The following CBLB variants were observed in gnomAD, a reference collection of about 807,000 sequenced individuals.
CBLB encodes the protein E3 ubiquitin-protein ligase CBL-B.
CBLB carries 31 observed loss-of-function variants against 104.9 expected under a neutral mutation model. The ratio of observed to expected loss-of-function variants is 0.30; its 90% CI spans 0.22 to 0.40. CBLB has a LOEUF of 0.40. CBLB is among the 10% of genes least tolerant of loss of function. CBLB has a pLI of 1.00. For missense variants in CBLB, 1,062 were observed against 1,214.6 expected, an observed-to-expected ratio of 0.87 and a Z score of 1.87; for synonymous variants, 440 against 422.6, an observed-to-expected ratio of 1.04 and a Z score of -0.51.
intron 3 of CBLB, among the ~76,000 whole-genome samples, chr3:105,836,062 T>G (rs1320124408): frequency 6.6e-6 from 1 of 152,236 alleles, no homozygotes; most frequent in Admixed American, 6.5e-5. Flanking sequence ...ACTGCTTGCC[T>G]TTTGTGCCTC....
At chr3:105,855,756 CT>C (rs1450548334) in intron 2 of CBLB, among the ~76,000 whole-genome samples, 2 of 152,140 alleles carry the variant, frequency 1.3e-5, no homozygotes, top group Admixed American at 1.3e-4. Flanking sequence ...TCTCTAATCA[CT>C]TGTAGATATA....
chr3:105,784,086 C>T (rs1007702026), intron 3 of CBLB, among the ~76,000 whole-genome samples: 9 of 152,112 alleles, frequency 5.9e-5, no homozygotes, highest in Admixed American at 2.0e-4. Flanking sequence ...AATATGACCA[C>T]TCATACTTTC....
At chr3:105,854,759 A>C (rs1246795698) in intron 2 of CBLB, among the ~76,000 whole-genome samples, 1 of 151,906 alleles carries the variant, frequency 6.6e-6, no homozygotes, top group Non-Finnish European at 1.5e-5. Flanking sequence ...CAGCCTCCCA[A>C]GTAGCTGGGA....
chr3:105,857,702 G>A (rs923758235), intron 2 of CBLB, among the ~76,000 whole-genome samples: 4 of 152,112 alleles, frequency 2.6e-5, no homozygotes, highest in Non-Finnish European at 2.9e-5. Flanking sequence ...GCAAATTTAC[G>A]TAAACTTCAG....
intron 10 of CBLB, among the ~76,000 whole-genome samples, chr3:105,718,707 C>T (rs1246146896): frequency 1.3e-5 from 2 of 152,118 alleles, no homozygotes; most frequent in African/African-American, 4.8e-5. Context: ...CTCTGTTGGC[C>T]AAGTCTGAAC....
chr3:105,805,934 GAAAA>G (rs3841101), intron 3 of CBLB, among the ~76,000 whole-genome samples: 12,406 of 145,462 alleles, frequency 0.085, 602 homozygotes, highest in Admixed American at 0.12. Context: ...AAAAGGGAAA[GAAAA>G]AAAAAAAAAA....
chr3:105,781,709 A>G (rs2080277292), intron 3 of CBLB, among the ~76,000 whole-genome samples: 1 of 152,222 alleles, frequency 6.6e-6, no homozygotes, highest in Non-Finnish European at 1.5e-5. Context: ...GGAGGAAATA[A>G]AAAGCTTTAA....
At chr3:105,833,386 C>T (rs1220098705) in intron 3 of CBLB, among the ~76,000 whole-genome samples, 11 of 152,168 alleles carry the variant, frequency 7.2e-5, no homozygotes, top group Admixed American at 1.3e-4. Context: ...ATATCTCTCT[C>T]TGAGACAGAC....
chr3:105,860,923 A>T (rs2092029537), intron 2 of CBLB, among the ~76,000 whole-genome samples: 1 of 152,212 alleles, frequency 6.6e-6, no homozygotes, highest in African/African-American at 2.4e-5. Context: ...AGAGGCTCTC[A>T]GGAAAAGACG....
At chr3:105,726,166 G>A (rs1576640079) in intron 9 of CBLB, among the ~76,000 whole-genome samples, 1 of 152,072 alleles carries the variant, frequency 6.6e-6, no homozygotes, top group Admixed American at 6.6e-5. Context: ...ATTTCTTATT[G>A]CCTTAAAAGT....
At chr3:105,778,580 T>C (rs573796712) in intron 3 of CBLB, among the ~76,000 whole-genome samples, 53 of 152,298 alleles carry the variant, frequency 3.5e-4, no homozygotes, top group Admixed American at 1.2e-3. Context: ...CAGTCACCTA[T>C]TTCCATAACT....
chr3:105,740,534 G>A lies in CBLB; in HGVS notation c.943C>T (p.Pro315Ser). The A allele has an allele frequency of 6.2e-7, 1 of 1,613,920 alleles. No homozygotes were observed. Among genetic ancestry groups the A allele is most frequent in the East Asian group, 2.2e-5 (1 of 44,866 alleles). ...CCATCAATCAGGGCTTGAAATAAGGGCTTGTTATGAGGTATGGTCTGTAAG... is the reference window on the plus strand; with the variant it reads ...CCATCAATCAGGGCTTGAAATAAGGACTTGTTATGAGGTATGGTCTGTAAG... The part of the protein sequence containing the change: ...NILQTIPHNK[P>S]LFQALIDGSR... The change falls in exon 7 of 19, where the codon CCC (proline) becomes TCC (serine). Residue 315 changes from proline (P) to serine (S), a missense_variant. Around this residue, in one of 2 missense-constraint regions of CBLB, gnomAD observed 457 missense variants for 632.0 expected, o/e 0.72. Coordinates refer to ENST00000394030, the MANE Select transcript of CBLB (RefSeq NM_170662.5).
chr3:105,686,166 A>T (rs368950773), intron 13 of CBLB, among the ~76,000 whole-genome samples: 55 of 152,334 alleles, frequency 3.6e-4, no homozygotes, highest in African/African-American at 1.3e-3. Flanking sequence ...AATATCAAAA[A>T]CATTAAGCAT....
At chr3:105,828,940 T>A (rs1221060896) in intron 3 of CBLB, among the ~76,000 whole-genome samples, 1 of 151,980 alleles carries the variant, frequency 6.6e-6, no homozygotes, top group Non-Finnish European at 1.5e-5. Context: ...TTAACCACAG[T>A]GGAACAGAAG....
In CBLB at chr3:105,822,831, T is replaced by C. The variant is rs184594495; in HGVS notation, c.419+30583A>G. Among the ~76,000 whole-genome samples the C allele has an allele frequency of 2.0e-3, 302 of 152,332 alleles. 2 individuals carry two copies. Among genetic ancestry groups the C allele is most frequent in the African/African-American group, 7.0e-3 (293 of 41,580 alleles). On this transcript the variant is annotated intron_variant, in intron 3 of 18. Coordinates refer to ENST00000394030, the MANE Select transcript of CBLB (RefSeq NM_170662.5). ...ATGGCCTTCAGGTACATCAGCATTT[T>C]CTGCTCTCTGTAACTTCACTGCTCC...
intron 3 of CBLB, among the ~76,000 whole-genome samples, chr3:105,844,136 G>A (rs1029790986): frequency 2.0e-5 from 3 of 152,238 alleles, no homozygotes; most frequent in African/African-American, 4.8e-5. Flanking sequence ...ACAGACTTAC[G>A]CTGCCATAAG....
rs34801525 is a variant in CBLB at position 105,685,454 on chromosome 3, C to A, written c.2067G>T (p.Pro689=). The A allele has an allele frequency of 6.2e-7, 1 of 1,612,990 alleles. No individual in the cohort carries two copies. The highest frequency in any genetic ancestry group is 2.2e-5 in the East Asian group (1 of 44,776). The change falls in exon 14 of 19, where the codon CCG becomes CCT. Residue 689 remains proline (P), a synonymous_variant. Coordinates refer to ENST00000394030, the MANE Select transcript of CBLB (RefSeq NM_170662.5). ...TLLPSIKCTG[P]LANSLSEKTR... is the part of the protein sequence containing the mutation. ...TTTTCTCTGAAAGAGAATTTGCTAACGGACCAGTACACCTACCAGGGGAAA... is the reference window on the plus strand; with the variant it reads ...TTTTCTCTGAAAGAGAATTTGCTAAAGGACCAGTACACCTACCAGGGGAAA...
chr3:105,847,550 T>C (rs983678317), intron 3 of CBLB, among the ~76,000 whole-genome samples: 4 of 152,006 alleles, frequency 2.6e-5, no homozygotes, highest in Non-Finnish European at 5.9e-5. Flanking sequence ...GCCAGAGCTT[T>C]TGTTAATCTT....
chr3:105,710,210 C>A (rs550610308), intron 10 of CBLB, among the ~76,000 whole-genome samples: 3 of 151,754 alleles, frequency 2.0e-5, no homozygotes, highest in Non-Finnish European at 4.4e-5. Flanking sequence ...CGCCTGTGCT[C>A]TTCTGGTTTT....
Sources: gnomAD v4.1 joint callset for allele counts (sites outside exome capture counted in the v4.1 genomes callset) on GRCh38, gnomAD v4.1.1 for gene constraint, gnomAD v4.1.1 regional missense constraint, MANE v1.5 for transcripts, NCBI Gene and HGNC (gene_info 2026-07-23, HGNC 2026-07-21) for gene names.